DPP10: variants seen among roughly 807,000 people sequenced by gnomAD.
DPP10 encodes inactive dipeptidyl peptidase 10.
DPP10 carries 33 observed loss-of-function variants against 120.9 expected under a neutral mutation model. The ratio of observed to expected loss-of-function variants is 0.27; its 90% confidence interval spans 0.21 to 0.37. The LOEUF (loss-of-function observed/expected upper bound fraction) is 0.37, where lower values mean the gene tolerates loss of function less well. Ranked by LOEUF, DPP10 falls within the 10% of genes least tolerant of loss-of-function variation. The pLI is 1.00. For missense variants in DPP10, 816 were observed against 942.8 expected (o/e 0.87, Z 1.76); for synonymous variants, 337 against 326.1 (o/e 1.03, Z -0.36).
chr2:114,528,274 T>C (rs1438348535), intron 1 of DPP10, among the ~76,000 whole-genome samples: 2 of 152,148 alleles, frequency 1.3e-5, no homozygotes, highest in Non-Finnish European at 2.9e-5. Context: ...GGGACTATCA[T>C]AGTCAATGGA....
chr2:114,748,318 C>T (rs1448522464), intron 1 of DPP10, among the ~76,000 whole-genome samples: 5 of 137,304 alleles, frequency 3.6e-5, no homozygotes, highest in South Asian at 4.8e-4. Context: ...AATTTGTTCA[C>T]GTAGGACAAA....
intron 1 of DPP10, among the ~76,000 whole-genome samples, chr2:114,659,492 A>T (rs1191533779): frequency 6.6e-6 from 1 of 152,126 alleles, no homozygotes; most frequent in Non-Finnish European, 1.5e-5. Context: ...AAAGCCAAGT[A>T]ATGGGGTTTA....
intron 8 of DPP10, among the ~76,000 whole-genome samples, chr2:115,738,330 T>G (rs1323699317): frequency 6.6e-6 from 1 of 152,152 alleles, no homozygotes; most frequent in Non-Finnish European, 1.5e-5. Flanking sequence ...TTCACAATCA[T>G]GGTTTCAAGC....
chr2:114,675,721 C>T (rs2105669195), intron 1 of DPP10, among the ~76,000 whole-genome samples: 1 of 152,136 alleles, frequency 6.6e-6, no homozygotes, highest in East Asian at 1.9e-4. Context: ...GAAAGAGAGT[C>T]CCAGATACCA....
chr2:114,828,320 T>C, intron 1 of DPP10: 1 of 152,344 alleles, frequency 6.6e-6, no homozygotes, highest in East Asian at 1.9e-4. Context: ...AACTTTTATA[T>C]ACAATTATAT....
intron 1 of DPP10, among the ~76,000 whole-genome samples, chr2:115,287,474 T>G (rs2060450605): frequency 6.6e-6 from 1 of 152,074 alleles, no homozygotes; most frequent in Admixed American, 6.6e-5. Context: ...GTCTCTAATG[T>G]TCATTATACT....
chr2:115,144,025 T>C (rs1414391666), intron 1 of DPP10: 1 of 152,210 alleles, frequency 6.6e-6, no homozygotes, highest in Non-Finnish European at 1.5e-5. Context: ...CGGATAATCA[T>C]AAGGGCTGTG....
At chr2:114,659,157 CT>C (rs1697198164) in intron 1 of DPP10, among the ~76,000 whole-genome samples, 1 of 152,194 alleles carries the variant, frequency 6.6e-6, no homozygotes, top group South Asian at 2.1e-4. Flanking sequence ...AATTAAACTT[CT>C]TTCCTTCATA....
intron 1 of DPP10, among the ~76,000 whole-genome samples, chr2:115,140,428 G>A (rs1416161100): frequency 6.6e-6 from 1 of 152,192 alleles, no homozygotes; most frequent in East Asian, 1.9e-4. Flanking sequence ...ATAACAAAGA[G>A]GCGAGATCAA....
At chr2:114,446,996 G>C (rs1468344738) in intron 1 of DPP10, among the ~76,000 whole-genome samples, 1 of 151,864 alleles carries the variant, frequency 6.6e-6, no homozygotes, top group Non-Finnish European at 1.5e-5. Flanking sequence ...TGATGAGATG[G>C]CTTGGAACTA....
At chr2:114,867,591 C>A (rs941293718) in intron 1 of DPP10, among the ~76,000 whole-genome samples, 5 of 152,088 alleles carry the variant, frequency 3.3e-5, no homozygotes, top group African/African-American at 1.2e-4. Flanking sequence ...CAATTACGAG[C>A]CTTGGCGTCT....
At chr2:114,965,151 T>C (rs761395539) in intron 1 of DPP10, among the ~76,000 whole-genome samples, 6 of 151,896 alleles carry the variant, frequency 4.0e-5, no homozygotes, top group African/African-American at 9.7e-5. Flanking sequence ...TTCTTTCTTT[T>C]TTTTGGACGG....
At chr2:115,172,414 T>G (rs1447458364) in intron 1 of DPP10, among the ~76,000 whole-genome samples, 1 of 150,948 alleles carries the variant, frequency 6.6e-6, no homozygotes, top group Non-Finnish European at 1.5e-5. Context: ...TTCCAGAAGC[T>G]GATTATTTGT....
At chr2:114,512,000 C>T (rs1013046395) in intron 1 of DPP10, among the ~76,000 whole-genome samples, 1 of 152,218 alleles carries the variant, frequency 6.6e-6, no homozygotes, top group Non-Finnish European at 1.5e-5. Flanking sequence ...AAACAATAAT[C>T]TTTAAAGATC....
chr2:115,514,832 C>A (rs891977511), intron 4 of DPP10, among the ~76,000 whole-genome samples: 5 of 151,918 alleles, frequency 3.3e-5, no homozygotes, highest in Non-Finnish European at 5.9e-5. Context: ...CTTCATAACT[C>A]AGTACCCATT....
At chr2:114,968,615 C>T (rs924711180) in intron 1 of DPP10, among the ~76,000 whole-genome samples, 3 of 152,170 alleles carry the variant, frequency 2.0e-5, no homozygotes, top group Non-Finnish European at 2.9e-5. Context: ...ATGTTATACA[C>T]ATCCAGAAAT....
At chr2:114,585,825 T>C (rs1372773387) in intron 1 of DPP10, among the ~76,000 whole-genome samples, 1 of 152,176 alleles carries the variant, frequency 6.6e-6, no homozygotes, top group Non-Finnish European at 1.5e-5. Flanking sequence ...GACACCAACA[T>C]GTGGGAGCAA....
intron 1 of DPP10, among the ~76,000 whole-genome samples, chr2:115,301,993 A>T (rs1372148969): frequency 6.6e-6 from 1 of 152,002 alleles, no homozygotes; most frequent in Non-Finnish European, 1.5e-5. Context: ...TGAAGAAAAG[A>T]GTTTAATTGA....
At chr2:114,537,183 T>TA (rs1177351813) in intron 1 of DPP10, among the ~76,000 whole-genome samples, 3 of 152,184 alleles carry the variant, frequency 2.0e-5, no homozygotes, top group Non-Finnish European at 1.5e-5. Context: ...CTTTTGCTTT[T>TA]ATTTCCAGCC....
Sources: gnomAD v4.1 joint callset for allele counts (sites outside exome capture counted in the v4.1 genomes callset) on GRCh38, gnomAD v4.1.1 for gene constraint, MANE v1.5 for transcripts, NCBI Gene and HGNC (gene_info 2026-07-23, HGNC 2026-07-21) for gene names.